Variants in LHX4 observed in about 807,000 individuals in gnomAD.
LHX4 encodes the protein LIM homeobox 4, also known as LIM/homeobox protein Lhx4.
In LHX4, 16 loss-of-function variants were observed where a neutral mutation model predicts 39.2. The ratio of observed to expected loss-of-function variants is 0.41; its 90% confidence interval spans 0.28 to 0.62. LHX4 has a LOEUF of 0.62. Ranked by LOEUF, LHX4 falls within the 20% of genes least tolerant of loss-of-function variation. The pLI is 0.33. For missense variants in LHX4, 439 were observed against 511.9 expected (o/e 0.86, Z 1.37); for synonymous variants, 206 against 198.1 (o/e 1.04, Z -0.33).
chr1:180,253,639 T>C (rs1360593025), intron 2 of LHX4, among the ~76,000 whole-genome samples: 2 of 152,224 alleles, frequency 1.3e-5, no homozygotes, highest in Admixed American at 6.5e-5. Context: ...CCTCATTCCC[T>C]TGTCTGTGGA....
chr1:180,262,174 C>A (rs1195243231), intron 2 of LHX4, among the ~76,000 whole-genome samples: 2 of 151,256 alleles, frequency 1.3e-5, no homozygotes, highest in East Asian at 3.9e-4. Context: ...GTCTCCGGTA[C>A]TAGCTGCTGT....
intron 2 of LHX4, among the ~76,000 whole-genome samples, chr1:180,257,604 G>A (rs1226818941): frequency 6.6e-6 from 1 of 152,208 alleles, no homozygotes; most frequent in Non-Finnish European, 1.5e-5. Flanking sequence ...GGTACATACA[G>A]TAACAGTAAA....
intron 2 of LHX4, among the ~76,000 whole-genome samples, chr1:180,256,946 A>G (rs1179743608): frequency 6.6e-6 from 1 of 152,250 alleles, no homozygotes; most frequent in African/African-American, 2.4e-5. Context: ...ATCCCTCCCT[A>G]CAAGGGCAGG....
intron 2 of LHX4, among the ~76,000 whole-genome samples, chr1:180,258,089 C>T (rs1647943788): frequency 6.6e-6 from 1 of 152,248 alleles, no homozygotes; most frequent in South Asian, 2.1e-4. Context: ...CAGTAGTGAA[C>T]AAGACGGATA....
rs113351602 is a variant in LHX4, at chr1:180,273,823, A to T, written c.779-362A>T. On this transcript the variant is annotated intron_variant, in intron 5 of 5. Transcript: ENST00000263726. ...AGCTTTCAGGGTAAATGTTGTCAGC[A>T]TGTAGTTTCCATTTGTGATGTGGAG... The T allele has an allele frequency of 1.9e-3, 547 of 292,194 alleles. 2 individuals are homozygous for T. Among genetic ancestry groups the T allele is most frequent in the African/African-American group, 0.011 (509 of 45,940 alleles). 18.1% of individuals were successfully genotyped at this position (292,194 alleles called of 1,614,324 possible). A position where few individuals can be genotyped will look rare whatever the true frequency, so the allele number is the denominator to read the frequency against.
chr1:180,228,977 GGGGC>G (rs1664089051), upstream of LHX4, among the ~76,000 whole-genome samples: 1 of 152,224 alleles, frequency 6.6e-6, no homozygotes, highest in South Asian at 2.1e-4. Context: ...GCTGGGTCTT[GGGGC>G]AGACGGGGTG....
chr1:180,229,670 GGCGGAGCGA>G (rs1324437138), upstream of LHX4, among the ~76,000 whole-genome samples: 1 of 151,684 alleles, frequency 6.6e-6, no homozygotes. Context: ...CGCTCCGTCC[GGCGGAGCGA>G]AGCCGGGGAC....
intron 1 of LHX4, among the ~76,000 whole-genome samples, chr1:180,246,259 A>C (rs570292311): frequency 6.6e-6 from 1 of 152,282 alleles, no homozygotes; most frequent in East Asian, 1.9e-4. Flanking sequence ...CCAATAGCCT[A>C]TTTATAGGGT....
chr1:180,243,359 C>T (rs779223899), intron 1 of LHX4, among the ~76,000 whole-genome samples: 10 of 151,928 alleles, frequency 6.6e-5, no homozygotes, highest in African/African-American at 9.7e-5. Context: ...TCTTCCTCGA[C>T]GCCTCCTCCC....
chr1:180,243,800 A>G (rs1311627379), intron 1 of LHX4, among the ~76,000 whole-genome samples: 3 of 152,084 alleles, frequency 2.0e-5, no homozygotes, highest in Non-Finnish European at 4.4e-5. Context: ...CCCAGCTGTT[A>G]GGGAGCTCAA....
intron 3 of LHX4, among the ~76,000 whole-genome samples, chr1:180,268,246 C>T (rs1471038014): frequency 1.3e-5 from 2 of 152,168 alleles, no homozygotes; most frequent in African/African-American, 4.8e-5. Context: ...ATCAGAGATA[C>T]TAAGATGGCA....
At chr1:180,252,927 CACTG>C (rs1470341725) in intron 2 of LHX4, among the ~76,000 whole-genome samples, 8 of 152,212 alleles carry the variant, frequency 5.3e-5, no homozygotes, top group Admixed American at 2.0e-4. Flanking sequence ...TGCTCAGTAA[CACTG>C]ACTGATTTTT....
At chr1:180,253,561 G>A (rs1043571189) in intron 2 of LHX4, among the ~76,000 whole-genome samples, 2 of 152,254 alleles carry the variant, frequency 1.3e-5, no homozygotes, top group African/African-American at 4.8e-5. Flanking sequence ...CCCAAAAGGA[G>A]CTCAGTTGAA....
intron 3 of LHX4, among the ~76,000 whole-genome samples, chr1:180,268,514 C>T (rs1347206909): frequency 6.6e-6 from 1 of 152,196 alleles, no homozygotes; most frequent in Admixed American, 6.5e-5. Flanking sequence ...GGGCATCCCC[C>T]CACACAGGGA....
In LHX4 at chr1:180,274,562, G is replaced by A; in HGVS notation, c.1156G>A (p.Asp386Asn). The A allele has an allele frequency of 1.3e-6, 2 of 1,582,984 alleles. No individual in the cohort carries two copies. Among genetic ancestry groups the A allele is most frequent in the South Asian group, 2.2e-5 (2 of 89,210 alleles). Residue 386 changes from aspartate (D) to asparagine (N), a missense_variant, in exon 6 of 6, where the codon GAT becomes AAT. Asp to Asn is a conservative substitution (Grantham distance 23). Coordinates refer to ENST00000263726, the MANE Select transcript of LHX4 (RefSeq NM_033343.4). Reference sequence around the variant, plus strand: ...CCCAGGCTCTTGGCTCGATGAAATGGATCATCCTCCTTTTTAAACTTCTCT... The same window carrying A: ...CCCAGGCTCTTGGCTCGATGAAATGAATCATCCTCCTTTTTAAACTTCTCT... ...TSPGSWLDEM[D>N]HPPF
Position 180,257,482 on chromosome 1 carries a change from A to G in LHX4, c.249-8910A>G, listed in dbSNP as rs559486364. Among the ~76,000 whole-genome samples the G allele has an allele frequency of 2.0e-4, 30 of 152,248 alleles. 1 individual carries two copies. The South Asian group carries it at 5.8e-3, about 29-fold the overall frequency. ...ATTCTCTGGTGTCAGGCCTTCTCCA[A>G]ATAGGACCCCCGTCTGTGTCTGGAG... On this transcript the variant is annotated intron_variant, in intron 2 of 5. Coordinates refer to ENST00000263726, the MANE Select transcript of LHX4 (RefSeq NM_033343.4).
Position 180,275,593 on chromosome 1 carries a change from A to AGTC in LHX4, c.*1015_*1017dup. 6.6e-6 allele frequency: 1 copy of AGTC among 152,312 alleles called. No individual in the cohort carries two copies. Among genetic ancestry groups the AGTC allele is most frequent in the African/African-American group, 2.4e-5 (1 of 41,576 alleles). The allele number at this position is 152,312 out of a possible 1,614,324, so 9.4% of individuals were successfully genotyped here. A position where few individuals can be genotyped will look rare whatever the true frequency, so the allele number is the denominator to read the frequency against. On this transcript the variant is annotated 3_prime_UTR_variant, in exon 6 of 6. Transcript: ENST00000263726. ...AGGAGTTGGTTTAGATGAGCTTGCA[A>AGTC]GTCTACCCCTCTGAAAGCTTTCTCT...
intron 2 of LHX4, among the ~76,000 whole-genome samples, chr1:180,259,208 C>T (rs1241626819): frequency 1.3e-5 from 2 of 151,840 alleles, no homozygotes; most frequent in Non-Finnish European, 2.9e-5. Flanking sequence ...GCTTGGGAGG[C>T]CAGGGAGAGG....
chr1:180,255,736 G>T (rs894269902), intron 2 of LHX4, among the ~76,000 whole-genome samples: 1 of 152,230 alleles, frequency 6.6e-6, no homozygotes. Context: ...TTGTCTGCCC[G>T]CCCCAGAGCG....
Sources: gnomAD v4.1 joint callset for allele counts (sites outside exome capture counted in the v4.1 genomes callset) on GRCh38, gnomAD v4.1.1 for gene constraint, MANE v1.5 for transcripts, NCBI Gene and HGNC (gene_info 2026-07-23, HGNC 2026-07-21) for gene names.